Variants in ALG13 observed in about 807,000 individuals in gnomAD.
ALG13 encodes UDP-N-acetylglucosamine transferase subunit ALG13.
In ALG13, 11 loss-of-function variants were observed where a neutral mutation model predicts 87.8. That is an observed-to-expected ratio of 0.13 (90% CI 0.08 to 0.21). The LOEUF is 0.21. Ranked by LOEUF, ALG13 falls within the 10% of genes least tolerant of loss-of-function variation. ALG13 has a pLI of 1.00. For synonymous variants in ALG13, 320 were observed against 306.3 expected (o/e 1.04, Z -0.47); for missense variants, 756 against 866.1 (o/e 0.87, Z 1.60).
At chrX:111,699,807 G>A (rs1307756422) in intron 3 of ALG13, among the ~76,000 whole-genome samples, 1 of 111,348 alleles carries the variant, frequency 9.0e-6, no homozygotes, top group Non-Finnish European at 1.9e-5. Context: ...TTTGAAGTTA[G>A]GGAGTGAGAT....
chrX:111,693,560 T>A (rs922501936), intron 3 of ALG13, among the ~76,000 whole-genome samples: 19 of 111,902 alleles, frequency 1.7e-4, no homozygotes, highest in African/African-American at 5.8e-4. Context: ...TACATGCTTC[T>A]TAATGTTGAT....
chrX:111,700,565 G>GT (rs1252191363), intron 3 of ALG13, among the ~76,000 whole-genome samples: 25 of 97,781 alleles, frequency 2.6e-4, no homozygotes, highest in African/African-American at 3.4e-4. Flanking sequence ...GTTGAGAGGT[G>GT]TTTTTTTTTG....
chrX:111,717,890 C>T lies in ALG13; in HGVS notation c.1050C>T (p.Tyr350=), dbSNP rs377194290. ...YSSSGHYDSV[Y]SKQFQSSAAV... ...GTAGTGGTCACTATGATTCTGTGTACTCAAAACAATTTCAGTCAAGTGCAG... is the reference window on the plus strand; with the variant it reads ...GTAGTGGTCACTATGATTCTGTGTATTCAAAACAATTTCAGTCAAGTGCAG... Residue 350 remains tyrosine (Y), a synonymous_variant, in exon 9 of 27, where the codon TAC becomes TAT. Coordinates refer to ENST00000394780, the MANE Select transcript of ALG13 (RefSeq NM_001099922.3). 2 of 1,205,420 alleles carry T rather than the reference C, an allele frequency of 1.7e-6. No homozygotes were observed. Among genetic ancestry groups the T allele is most frequent in the Non-Finnish European group, 2.2e-6 (2 of 892,799 alleles).
chrX:111,706,766 A>G (rs1294416111), intron 3 of ALG13: 1 of 110,866 alleles, frequency 9.0e-6, no homozygotes, highest in Non-Finnish European at 1.9e-5. Flanking sequence ...CACTTTAAAA[A>G]AATAAAAAGA....
At chrX:111,759,671 C>A in intron 26 of ALG13, 63 bp from the exon 27 acceptor site, 2 of 968,748 alleles carry the variant, frequency 2.1e-6, no homozygotes, top group Non-Finnish European at 1.4e-6. Context: ...ATTTATGTTG[C>A]ATGGGGTTCT....
Position 111,757,702 on chromosome X carries a change from C to A in ALG13, c.3088C>A (p.Pro1030Thr), listed in dbSNP as rs1156871693. 1 of 1,210,397 alleles carries A rather than the reference C, an allele frequency of 8.3e-7. No homozygotes were observed. Among genetic ancestry groups the A allele is most frequent in the Admixed American group, 2.2e-5 (1 of 45,901 alleles). Reference protein sequence around the residue: ...TEPPLVDQTVPQCYSEVRRED... With the variant: ...TEPPLVDQTVTQCYSEVRRED... ...GCCACCTCTGGTAGATCAAACCGTTCCTCAATGCTACAGTGAGGTGAGGAG... is the reference window on the plus strand; with the variant it reads ...GCCACCTCTGGTAGATCAAACCGTTACTCAATGCTACAGTGAGGTGAGGAG... Residue 1030 changes from proline (P) to threonine (T), a missense_variant, in exon 26 of 27, where the codon CCT becomes ACT. Pro to Thr is a conservative substitution (Grantham distance 38). Transcript: ENST00000394780.
chrX:111,725,543 G>C (rs1941897125), intron 15 of ALG13, among the ~76,000 whole-genome samples: 1 of 110,916 alleles, frequency 9.0e-6, no homozygotes, highest in Admixed American at 9.6e-5. Context: ...TCTAGTATTT[G>C]GTAGCATAAT....
In ALG13 at chrX:111,739,041, T is replaced by G. The variant is rs186007918; in HGVS notation, c.2695+2162T>G. On this transcript the variant is annotated intron_variant, in intron 23 of 26. Coordinates refer to ENST00000394780, the MANE Select transcript of ALG13 (RefSeq NM_001099922.3). ...ACTTTGCTGAAGTTTTGTATTAGGTTGTTTTCACACTGCTATAAAGAAATG... is the reference window on the plus strand; with the variant it reads ...ACTTTGCTGAAGTTTTGTATTAGGTGGTTTTCACACTGCTATAAAGAAATG... 4.8e-4 allele frequency among the ~76,000 whole-genome samples: 54 copies of G among 111,967 alleles called. 1 individual carries two copies. In the Admixed American group the frequency reaches 5.1e-3, roughly 11 times the overall value.
At chrX:111,732,287 T>C (rs1464790012) in intron 21 of ALG13, among the ~76,000 whole-genome samples, 1 of 112,431 alleles carries the variant, frequency 8.9e-6, no homozygotes, top group Non-Finnish European at 1.9e-5. Flanking sequence ...GATTTTGTTA[T>C]AGCCGTACCC....
At chrX:111,753,522 G>C (rs1056280039) in intron 25 of ALG13, among the ~76,000 whole-genome samples, 3 of 111,683 alleles carry the variant, frequency 2.7e-5, no homozygotes, top group African/African-American at 9.8e-5. Flanking sequence ...GTTTTGAAAA[G>C]ATTAACAAAA....
At chrX:111,701,092 T>C (rs1297367079) in intron 3 of ALG13, among the ~76,000 whole-genome samples, 2 of 111,469 alleles carry the variant, frequency 1.8e-5, no homozygotes, top group East Asian at 2.8e-4. Flanking sequence ...AGTCTTGTAA[T>C]GTGTTGTGGA....
At chrX:111,744,401 G>T (rs1944029205) in intron 23 of ALG13, among the ~76,000 whole-genome samples, 1 of 111,772 alleles carries the variant, frequency 8.9e-6, no homozygotes, top group Non-Finnish European at 1.9e-5. Flanking sequence ...AATGTTCAAA[G>T]TCTGATAGTC....
intron 21 of ALG13, among the ~76,000 whole-genome samples, chrX:111,734,736 A>G (rs1002437304): frequency 9.0e-6 from 1 of 111,075 alleles, no homozygotes; most frequent in Admixed American, 9.6e-5. Context: ...AAGCAAAACT[A>G]TTGTTGGTCC....
intron 15 of ALG13, among the ~76,000 whole-genome samples, chrX:111,725,510 A>G (rs1325668616): frequency 9.0e-6 from 1 of 111,389 alleles, no homozygotes; most frequent in African/African-American, 3.3e-5. Flanking sequence ...TAATGGGTAC[A>G]AAAATAGGTA....
intron 25 of ALG13, 154 bp from the exon 26 acceptor site, chrX:111,757,434 C>CA (rs1033854017): frequency 3.6e-5 from 14 of 386,865 alleles, no homozygotes; most frequent in Non-Finnish European, 5.2e-5. Flanking sequence ...AACAGACTGT[C>CA]AAGTTTTTAG....
intron 11 of ALG13, among the ~76,000 whole-genome samples, chrX:111,720,497 A>G (rs1941268686): frequency 8.9e-6 from 1 of 111,920 alleles, no homozygotes; most frequent in Non-Finnish European, 1.9e-5. Flanking sequence ...TCATTAAGGA[A>G]TACAATGCCT....
intron 8 of ALG13, among the ~76,000 whole-genome samples, chrX:111,717,432 G>T (rs1036547941): frequency 9.0e-6 from 1 of 110,589 alleles, no homozygotes; most frequent in Admixed American, 9.7e-5. Flanking sequence ...TGAGTTTGGA[G>T]TATTTGGGTA....
chrX:111,715,153 T>C (rs1266855734), intron 8 of ALG13, among the ~76,000 whole-genome samples: 4 of 111,785 alleles, frequency 3.6e-5, no homozygotes. Flanking sequence ...CGTTACCCAT[T>C]GGGAACCATG....
At chrX:111,719,079 T>TGCAGTAGCGC (rs1205392626) in intron 10 of ALG13, among the ~76,000 whole-genome samples, 1 of 101,600 alleles carries the variant, frequency 9.8e-6, no homozygotes, top group Non-Finnish European at 2.0e-5. Context: ...CAGGCTGGAG[T>TGCAGTAGCGC]GCAGTAGCGC....
Sources: allele counts gnomAD v4.1 joint callset (sites outside exome capture counted in the v4.1 genomes callset), GRCh38; gene constraint gnomAD v4.1.1; transcripts MANE v1.5; gene names NCBI Gene and HGNC (gene_info 2026-07-23, HGNC 2026-07-21).